Variants in ZNF407 observed in about 807,000 individuals in gnomAD.
ZNF407 encodes the protein zinc finger protein 407.
In ZNF407, 17 loss-of-function variants were observed where a neutral mutation model predicts 131.2. The ratio of observed to expected loss-of-function variants is 0.13; its 90% confidence interval spans 0.09 to 0.19. The LOEUF is 0.19. ZNF407 is among the 10% of genes least tolerant of loss of function. The pLI, the probability that ZNF407 is intolerant of heterozygous loss-of-function variation, is 1.00. For missense variants in ZNF407, 2,681 were observed against 2,830.6 expected (o/e 0.95, Z 1.20); for synonymous variants, 1,156 against 1,062.0 (o/e 1.09, Z -1.72).
intron 3 of ZNF407, among the ~76,000 whole-genome samples, chr18:74,691,195 C>T (rs1378638167): frequency 6.6e-6 from 1 of 152,046 alleles, no homozygotes; most frequent in Non-Finnish European, 1.5e-5. Flanking sequence ...AGGAGAATTG[C>T]TTGAAACCAG....
chr18:74,743,425 G>T (rs1278488017), intron 3 of ZNF407, among the ~76,000 whole-genome samples: 3 of 151,930 alleles, frequency 2.0e-5, no homozygotes, highest in Non-Finnish European at 4.4e-5. Context: ...TAATGGTTTG[G>T]TTCTTTAGTT....
chr18:75,059,324 C>T (rs990181006), intron 8 of ZNF407, among the ~76,000 whole-genome samples: 5 of 152,284 alleles, frequency 3.3e-5, no homozygotes, highest in Non-Finnish European at 5.9e-5. Context: ...CTTCCTGAGA[C>T]TACTGAAGAA....
intron 3 of ZNF407, among the ~76,000 whole-genome samples, chr18:74,760,548 G>C (rs188051547): frequency 6.6e-6 from 1 of 152,206 alleles, no homozygotes; most frequent in East Asian, 1.9e-4. Flanking sequence ...GTAAACAGTT[G>C]CTTCTGTGGT....
At chr18:74,615,598 A>G (rs1429331823) in intron 1 of ZNF407, among the ~76,000 whole-genome samples, 23 of 152,260 alleles carry the variant, frequency 1.5e-4, no homozygotes, top group Admixed American at 1.5e-3. Context: ...TGGTTCTAGC[A>G]CTGTATCCAA....
chr18:74,733,651 T>A (rs1968344758), intron 3 of ZNF407, among the ~76,000 whole-genome samples: 1 of 152,236 alleles, frequency 6.6e-6, no homozygotes, highest in Non-Finnish European at 1.5e-5. Flanking sequence ...CTTAGCATTT[T>A]CAGTGTTTTG....
chr18:74,795,803 G>C (rs568195004), intron 4 of ZNF407, among the ~76,000 whole-genome samples: 1 of 152,184 alleles, frequency 6.6e-6, no homozygotes, highest in Non-Finnish European at 1.5e-5. Flanking sequence ...CCCACATTTC[G>C]TAAATGACGG....
chr18:74,967,779 A>G (rs1280488675), intron 8 of ZNF407, among the ~76,000 whole-genome samples: 1 of 152,240 alleles, frequency 6.6e-6, no homozygotes, highest in Non-Finnish European at 1.5e-5. Flanking sequence ...GACACAAGTT[A>G]TGAAGTGATT....
chr18:74,706,425 C>A (rs1277186022), intron 3 of ZNF407, among the ~76,000 whole-genome samples: 1 of 152,146 alleles, frequency 6.6e-6, no homozygotes, highest in Non-Finnish European at 1.5e-5. Flanking sequence ...GTGGGATGAT[C>A]CATGTTACCT....
intron 3 of ZNF407, among the ~76,000 whole-genome samples, chr18:74,671,432 G>A (rs561528170): frequency 6.6e-6 from 1 of 151,976 alleles, no homozygotes; most frequent in African/African-American, 2.4e-5. Context: ...TGTCACGGGG[G>A]TTTGTTGTAC....
intron 3 of ZNF407, among the ~76,000 whole-genome samples, chr18:74,780,076 C>A (rs1293382652): frequency 2.0e-5 from 3 of 151,468 alleles, no homozygotes; most frequent in African/African-American, 7.3e-5. Flanking sequence ...GTGATAATTT[C>A]ATTTTAGTGA....
intron 8 of ZNF407, among the ~76,000 whole-genome samples, chr18:74,925,947 C>T (rs1032029220): frequency 6.6e-6 from 1 of 152,228 alleles, no homozygotes; most frequent in African/African-American, 2.4e-5. Flanking sequence ...AGCCTCTCCT[C>T]TCTTTCGTGT....
chr18:74,768,098 T>C (rs1239632979), intron 3 of ZNF407, among the ~76,000 whole-genome samples: 1 of 152,176 alleles, frequency 6.6e-6, no homozygotes, highest in Non-Finnish European at 1.5e-5. Context: ...TGCCAAATAG[T>C]ATTTTTAAAG....
At chr18:74,957,738 ACT>A (rs1018044747) in intron 8 of ZNF407, among the ~76,000 whole-genome samples, 4 of 151,144 alleles carry the variant, frequency 2.6e-5, no homozygotes, top group Admixed American at 6.6e-5. Context: ...GGATTTTAAA[ACT>A]CTCTGAGCCT....
At chr18:74,672,806 T>C (rs537107164) in intron 3 of ZNF407, among the ~76,000 whole-genome samples, 2 of 152,348 alleles carry the variant, frequency 1.3e-5, no homozygotes, top group Admixed American at 1.3e-4. Flanking sequence ...TTGATCACTT[T>C]TAATGAACCT....
chr18:74,866,975 C>T (rs1971020321), intron 4 of ZNF407, among the ~76,000 whole-genome samples: 1 of 128,830 alleles, frequency 7.8e-6, no homozygotes, highest in African/African-American at 3.0e-5. Flanking sequence ...TAGTGAAACC[C>T]TGTGTCTACC....
At chr18:74,789,077 G>A (rs1969775871) in intron 4 of ZNF407, among the ~76,000 whole-genome samples, 1 of 152,112 alleles carries the variant, frequency 6.6e-6, no homozygotes, top group Admixed American at 6.6e-5. Context: ...TGTTCTCATG[G>A]ACTTGAATCT....
chr18:74,734,924 G>T (rs1362681989), intron 3 of ZNF407, among the ~76,000 whole-genome samples: 3 of 152,006 alleles, frequency 2.0e-5, no homozygotes, highest in Non-Finnish European at 4.4e-5. Context: ...ATTTTCTGTT[G>T]TAAGTTTATG....
chr18:74,856,072 G>A (rs768945691), intron 4 of ZNF407, among the ~76,000 whole-genome samples: 5 of 152,124 alleles, frequency 3.3e-5, no homozygotes, highest in African/African-American at 9.6e-5. Context: ...TGTTTTGTTC[G>A]GACTTTTTTT....
At chr18:74,774,255 A>G (rs1969421797) in intron 3 of ZNF407, among the ~76,000 whole-genome samples, 1 of 152,186 alleles carries the variant, frequency 6.6e-6, no homozygotes, top group African/African-American at 2.4e-5. Context: ...ATGCTAGCTA[A>G]CTAAAATAGA....
Sources: gnomAD v4.1 joint callset for allele counts (sites outside exome capture counted in the v4.1 genomes callset) on GRCh38, gnomAD v4.1.1 for gene constraint, MANE v1.5 for transcripts, NCBI Gene and HGNC (gene_info 2026-07-23, HGNC 2026-07-21) for gene names.